Variants in CDK17 observed in about 807,000 individuals in gnomAD.
CDK17 encodes cyclin dependent kinase 17, also known as cyclin-dependent kinase 17.
CDK17 carries 24 observed loss-of-function variants against 77.6 expected under a neutral mutation model. That is an observed-to-expected ratio of 0.31 (90% CI 0.22 to 0.44). The LOEUF (loss-of-function observed/expected upper bound fraction) is 0.44. Among genes scored for constraint, CDK17 ranks in the 20% least tolerant of loss-of-function variants. The pLI is 1.00. For missense variants in CDK17, 429 were observed against 622.5 expected, an observed-to-expected ratio of 0.69 and a Z score of 3.31; for synonymous variants, 203 against 210.4, an observed-to-expected ratio of 0.96 and a Z score of 0.30.
chr12:96,353,495 T>G (rs1215880448), intron 1 of CDK17, among the ~76,000 whole-genome samples: 4 of 151,828 alleles, frequency 2.6e-5, no homozygotes, highest in African/African-American at 2.4e-5. Flanking sequence ...TTTCCCTGTA[T>G]GTGTGAAGTA....
At position 96,316,186 on chromosome 12, in the gene CDK17, A is replaced by G. The variant is rs531354459; in HGVS notation, c.284-2732T>C. Among the ~76,000 whole-genome samples the G allele has an allele frequency of 6.6e-5, 10 of 152,234 alleles. No individual in the cohort carries two copies. In the East Asian group the frequency reaches 1.6e-3, roughly 24 times the overall value. On this transcript the variant is annotated intron_variant, in intron 3 of 16. Coordinates refer to ENST00000261211, the MANE Select transcript of CDK17 (RefSeq NM_002595.5). ...GGAGTTCTCTTTCCGAGTCAAAGAAAGGGGTGACGGACGCACCTGGAAAAT... is the reference window on the plus strand; with the variant it reads ...GGAGTTCTCTTTCCGAGTCAAAGAAGGGGGTGACGGACGCACCTGGAAAAT...
At position 96,282,524 on chromosome 12, in the gene CDK17, G is replaced by A. The variant is rs1330879224; in HGVS notation, c.1441C>T (p.His481Tyr). 1 of 1,604,218 alleles carries A rather than the reference G, an allele frequency of 6.2e-7. No homozygotes were observed. The highest frequency in any genetic ancestry group is 1.1e-5 in the South Asian group (1 of 90,834). The change falls in exon 15 of 17, where the codon CAT becomes TAT. Residue 481 changes from histidine (H) to tyrosine (Y), a missense_variant. This residue lies in a region of CDK17 where 115 missense variants were observed against 124.2 expected (regional missense o/e 0.93). Transcript: ENST00000261211. ...VYFRSLGPRI[H>Y]ALPESVSIFS... ...TTTCTCTTACTTTCTGGTAAAGCAT[G>A]TATTCTTGGTCCCAGACTTCGAAAG...
At chr12:96,363,313 T>C (rs992758663) in intron 1 of CDK17, among the ~76,000 whole-genome samples, 3 of 151,824 alleles carry the variant, frequency 2.0e-5, no homozygotes, top group Non-Finnish European at 4.4e-5. Context: ...TAGCTGGGCA[T>C]GGTGGTGGGC....
At chr12:96,316,500 G>A (rs552088742) in intron 3 of CDK17, among the ~76,000 whole-genome samples, 2 of 149,216 alleles carry the variant, frequency 1.3e-5, no homozygotes, top group Admixed American at 1.3e-4. Flanking sequence ...ACCTCTGGGG[G>A]CAGGGCACAG....
At chr12:96,310,524 C>A (rs1952633357) in intron 5 of CDK17, among the ~76,000 whole-genome samples, 1 of 151,948 alleles carries the variant, frequency 6.6e-6, no homozygotes, top group African/African-American at 2.4e-5. Flanking sequence ...TAAAACTAAT[C>A]TTTAGCATCA....
At chr12:96,321,813 G>A (rs1468007174) in intron 3 of CDK17, among the ~76,000 whole-genome samples, 1 of 113,520 alleles carries the variant, frequency 8.8e-6, no homozygotes, top group East Asian at 2.8e-4. Context: ...CTGTGGTGGG[G>A]TGGGGGGAGG....
intron 1 of CDK17, among the ~76,000 whole-genome samples, chr12:96,384,255 G>A (rs759738938): frequency 2.2e-4 from 33 of 152,264 alleles, no homozygotes; most frequent in Middle Eastern, 3.4e-3. Flanking sequence ...AAAAATAACA[G>A]ATGTTGGCAA....
intron 14 of CDK17, among the ~76,000 whole-genome samples, chr12:96,282,875 T>G (rs1952194726): frequency 6.6e-6 from 1 of 152,232 alleles, no homozygotes; most frequent in South Asian, 2.1e-4. Flanking sequence ...AAAGAAAAAT[T>G]AAAATATTTG....
At chr12:96,391,011 C>T (rs1019717059) in intron 1 of CDK17, among the ~76,000 whole-genome samples, 2 of 145,918 alleles carry the variant, frequency 1.4e-5, no homozygotes, top group Non-Finnish European at 3.0e-5. Context: ...TTACTGAACC[C>T]GGGAGGTGGA....
chr12:96,312,785 C>A (rs1464633494), intron 4 of CDK17, among the ~76,000 whole-genome samples: 3 of 152,076 alleles, frequency 2.0e-5, no homozygotes, highest in African/African-American at 7.2e-5. Context: ...AATTCTTCAT[C>A]CTTTTACACG....
intron 3 of CDK17, among the ~76,000 whole-genome samples, chr12:96,313,977 A>AC (rs1952675789): frequency 6.6e-6 from 1 of 152,140 alleles, no homozygotes; most frequent in Admixed American, 6.5e-5. Context: ...TCCTCCCTGC[A>AC]CCCCCAATGT....
At chr12:96,375,233 A>T (rs994438000) in intron 1 of CDK17, among the ~76,000 whole-genome samples, 1 of 152,178 alleles carries the variant, frequency 6.6e-6, no homozygotes, top group Admixed American at 6.5e-5. Context: ...CTCCTTGCCT[A>T]TAATTATAGG....
intron 2 of CDK17, among the ~76,000 whole-genome samples, chr12:96,333,155 G>C (rs987498981): frequency 1.3e-5 from 2 of 151,636 alleles, no homozygotes; most frequent in African/African-American, 4.8e-5. Flanking sequence ...ATGGGGGGGG[G>C]TCCCACCAAA....
intron 1 of CDK17, among the ~76,000 whole-genome samples, chr12:96,362,900 T>C (rs1953517954): frequency 6.6e-6 from 1 of 152,102 alleles, no homozygotes; most frequent in Non-Finnish European, 1.5e-5. Context: ...GGTTCAATAC[T>C]GACTAAAATG....
intron 1 of CDK17, among the ~76,000 whole-genome samples, chr12:96,353,603 G>GGT (rs1305081239): frequency 1.4e-5 from 1 of 70,402 alleles, no homozygotes; most frequent in Non-Finnish European, 3.8e-5. Flanking sequence ...TTTAAAAGGT[G>GGT]GCGGGGGGGG....
intron 1 of CDK17, among the ~76,000 whole-genome samples, chr12:96,380,483 G>A (rs1360936460): frequency 6.6e-6 from 1 of 151,968 alleles, no homozygotes; most frequent in Non-Finnish European, 1.5e-5. Context: ...GAGAGACGGG[G>A]TTTCGCCATC....
At position 96,334,817 on chromosome 12, in the gene CDK17, C is replaced by G. The variant is rs1953019431; in HGVS notation, c.20G>C (p.Arg7Thr). The change falls in exon 2 of 17, where the codon AGG (arginine) becomes ACG (threonine). Residue 7 changes from arginine (R) to threonine (T), a missense_variant. Physicochemically the swap from Arg to Thr is moderately conservative, Grantham distance 71. Around this residue, in one of 4 missense-constraint regions of CDK17, gnomAD observed 262 missense variants for 385.4 expected, o/e 0.68. Coordinates refer to ENST00000261211, the MANE Select transcript of CDK17 (RefSeq NM_002595.5). Reference sequence around the variant, plus strand: ...ACTTCCTCGGAGTGTGAGGGATAGCCTTCTCTTAAATTTTTTCATCCTATC... The same window carrying G: ...ACTTCCTCGGAGTGTGAGGGATAGCGTTCTCTTAAATTTTTTCATCCTATC... MKKFKRRLSLTLRGSQT... is the reference protein window; with the variant it reads MKKFKRTLSLTLRGSQT... 9 of 1,601,522 alleles carry G rather than the reference C, an allele frequency of 5.6e-6. No individual in the cohort carries two copies. Among genetic ancestry groups the G allele is most frequent in the African/African-American group, 1.3e-5 (1 of 74,626 alleles).
rs796385016 is a variant in CDK17 at position 96,278,316 on chromosome 12, A to T, written c.*1926T>A. On this transcript the variant is annotated 3_prime_UTR_variant, in exon 17 of 17. Transcript: ENST00000261211. ...AGCCTATGAAAAGCTATAATGTCAA[A>T]TTTGCAACAAATCAAATATACATTC... 12 of 152,280 alleles carry T rather than the reference A, an allele frequency of 7.9e-5. No individual in the cohort carries two copies. Among genetic ancestry groups the T allele is most frequent in the African/African-American group, 2.6e-4 (11 of 41,566 alleles). The allele number at this position is 152,280 out of a possible 1,614,324, so 9.4% of individuals were successfully genotyped here. A position where few individuals can be genotyped will look rare whatever the true frequency, so the allele number is the denominator to read the frequency against.
chr12:96,307,163 C>T (rs958288181), intron 5 of CDK17, among the ~76,000 whole-genome samples: 3 of 151,946 alleles, frequency 2.0e-5, no homozygotes, highest in African/African-American at 7.3e-5. Context: ...GGTGTGGTGG[C>T]GCATGCCTGT....
Sources: allele counts gnomAD v4.1 joint callset (sites outside exome capture counted in the v4.1 genomes callset), GRCh38; gene constraint gnomAD v4.1.1; regional missense constraint gnomAD v4.1.1; transcripts MANE v1.5; gene names NCBI Gene and HGNC (gene_info 2026-07-23, HGNC 2026-07-21).